PDE8B: variants seen among roughly 807,000 people sequenced by gnomAD.
PDE8B encodes the protein phosphodiesterase 8B.
Under a neutral mutation model 101.3 loss-of-function variants are expected in PDE8B, and 26 were observed. The observed-to-expected ratio is 0.26, with a 90% CI of 0.19 to 0.36. PDE8B has a LOEUF of 0.36. Ranked by LOEUF, PDE8B falls within the 10% of genes least tolerant of loss-of-function variation. PDE8B has a pLI of 1.00. For missense variants in PDE8B, 810 were observed against 1,163.1 expected (o/e 0.70, Z 4.42); for synonymous variants, 424 against 429.3 (o/e 0.99, Z 0.15).
chr5:77,175,849 G>A, the PDE8B span, among the ~76,000 whole-genome samples: 1 of 152,182 alleles, frequency 6.6e-6, no homozygotes, highest in Non-Finnish European at 1.5e-5. Context: ...ATAAATGTGT[G>A]TATATCTATA....
At chr5:77,151,126 G>C in the PDE8B span, 1 of 152,212 alleles carries the variant, frequency 6.6e-6, no homozygotes, top group African/African-American at 2.4e-5. Flanking sequence ...AAGTAGATTG[G>C]GGCCATGTAA....
intron 10 of PDE8B, among the ~76,000 whole-genome samples, chr5:77,376,019 C>T (rs1189814490): frequency 6.6e-6 from 1 of 151,432 alleles, no homozygotes; most frequent in Admixed American, 6.6e-5. Flanking sequence ...CCACCTCCTG[C>T]GTAGCTGGGA....
the PDE8B span, among the ~76,000 whole-genome samples, chr5:77,181,076 T>TACCCCAACCCCC: frequency 9.4e-5 from 1 of 10,600 alleles, no homozygotes; most frequent in Non-Finnish European, 2.2e-4. Flanking sequence ...CCCCTACCCC[T>TACCCCAACCCCC]ACCCCAACCC....
At chr5:77,284,377 A>G (rs1053912655) in intron 1 of PDE8B, among the ~76,000 whole-genome samples, 11 of 152,204 alleles carry the variant, frequency 7.2e-5, no homozygotes, top group African/African-American at 2.7e-4. Flanking sequence ...CTTTGGTGTC[A>G]TACCTAAAAA....
chr5:77,393,482 A>G (rs967588726), intron 10 of PDE8B, among the ~76,000 whole-genome samples: 4 of 152,174 alleles, frequency 2.6e-5, no homozygotes, highest in African/African-American at 9.6e-5. Flanking sequence ...CATTTCTACC[A>G]AGGATAAATT....
At chr5:77,230,474 T>C (rs1397989637) in intron 1 of PDE8B, among the ~76,000 whole-genome samples, 1 of 152,174 alleles carries the variant, frequency 6.6e-6, no homozygotes, top group African/African-American at 2.4e-5. Flanking sequence ...AAATTTATTC[T>C]ATTTTATTTT....
chr5:77,242,652 C>G (rs549694485), intron 1 of PDE8B, among the ~76,000 whole-genome samples: 1 of 152,184 alleles, frequency 6.6e-6, no homozygotes, highest in South Asian at 2.1e-4. Context: ...AGTCAAATTT[C>G]TTTTTCTTTT....
intron 1 of PDE8B, chr5:77,290,405 C>G: frequency 1.0e-5 from 14 of 1,399,948 alleles, no homozygotes; most frequent in African/African-American, 1.4e-5. Context: ...CTGCTAACAA[C>G]TAGCCAATAG....
chr5:77,365,672 C>T (rs897740161), intron 10 of PDE8B, among the ~76,000 whole-genome samples: 6 of 152,222 alleles, frequency 3.9e-5, no homozygotes, highest in Admixed American at 2.6e-4. Context: ...CTTCCTCAGG[C>T]TTTGTCAGGG....
At chr5:77,165,483 A>G in the PDE8B span, 1 of 152,218 alleles carries the variant, frequency 6.6e-6, no homozygotes, top group Non-Finnish European at 1.5e-5. Flanking sequence ...TGCCTATGTC[A>G]TCCTTTCCCC....
intron 10 of PDE8B, among the ~76,000 whole-genome samples, chr5:77,374,628 G>T (rs1785704159): frequency 6.6e-6 from 1 of 152,076 alleles, no homozygotes; most frequent in Non-Finnish European, 1.5e-5. Flanking sequence ...TTTGAAACTG[G>T]AAGTCCATTT....
intron 1 of PDE8B, among the ~76,000 whole-genome samples, chr5:77,307,792 T>A (rs1054765718): frequency 1.2e-4 from 19 of 152,178 alleles, no homozygotes; most frequent in African/African-American, 4.3e-4. Context: ...CTAGGAAGTG[T>A]GTCTCTCTTC....
At chr5:77,278,906 G>A (rs1164674589) in intron 1 of PDE8B, among the ~76,000 whole-genome samples, 1 of 152,098 alleles carries the variant, frequency 6.6e-6, no homozygotes, top group East Asian at 1.9e-4. Context: ...TTCATTCAGG[G>A]TATGAAATAT....
the PDE8B span, among the ~76,000 whole-genome samples, chr5:77,160,186 G>A: frequency 6.6e-6 from 1 of 152,114 alleles, no homozygotes; most frequent in East Asian, 1.9e-4. Flanking sequence ...CTAAAGAGCT[G>A]AAAGTGCCTT....
intron 1 of PDE8B, among the ~76,000 whole-genome samples, chr5:77,284,072 T>C (rs1043252593): frequency 6.6e-6 from 1 of 152,196 alleles, no homozygotes; most frequent in African/African-American, 2.4e-5. Flanking sequence ...TGCATTTCCC[T>C]AATGATATGA....
chr5:77,197,535 T>C, the PDE8B span, among the ~76,000 whole-genome samples: 4 of 152,106 alleles, frequency 2.6e-5, no homozygotes, highest in Middle Eastern at 3.4e-3. Flanking sequence ...GTTTTTTTTT[T>C]CCCCTAGTTT....
chr5:77,343,843 TATTCTGTTAGCTTTTTTCTATTTTTAA>T (rs1779658948), intron 6 of PDE8B, among the ~76,000 whole-genome samples: 1 of 151,968 alleles, frequency 6.6e-6, no homozygotes, highest in Non-Finnish European at 1.5e-5. Context: ...TTTATAACAT[TATTCTGTTAGCTTTTTTCTATTTTTAA>T]ATCTTTTTTT....
chr5:77,180,625 C>A, the PDE8B span: 1 of 285,948 alleles, frequency 3.5e-6, no homozygotes, highest in Non-Finnish European at 5.3e-6. Flanking sequence ...TTTTTCTTTT[C>A]TTTTCGCCCT....
intron 1 of PDE8B, among the ~76,000 whole-genome samples, chr5:77,213,031 A>G (rs1479343445): frequency 2.0e-5 from 3 of 152,204 alleles, no homozygotes; most frequent in Non-Finnish European, 4.4e-5. Flanking sequence ...TTTGTTCAGT[A>G]GAAGAAAGAA....
Sources: allele counts gnomAD v4.1 joint callset (sites outside exome capture counted in the v4.1 genomes callset), GRCh38; gene constraint gnomAD v4.1.1; transcripts MANE v1.5; gene names NCBI Gene and HGNC (gene_info 2026-07-23, HGNC 2026-07-21).